The following SNUPN variants were observed in gnomAD, a reference collection of about 807,000 sequenced individuals.
The protein encoded by SNUPN is snurportin 1.
A neutral mutation model predicts 39.2 loss-of-function variants in SNUPN; 31 were observed. The ratio of observed to expected loss-of-function variants is 0.79; its 90% CI spans 0.59 to 1.07. SNUPN has a LOEUF of 1.07. Ranked by LOEUF, SNUPN falls within the 50% of genes least tolerant of loss-of-function variation. The pLI is 0.00. For synonymous variants in SNUPN, 132 were observed against 159.0 expected (o/e 0.83, Z 1.28); for missense variants, 382 against 434.2 (o/e 0.88, Z 1.07).
In SNUPN at chr15:75,621,055, C is replaced by G. The variant is rs1206212980; in HGVS notation, c.-4G>C. On this transcript the variant is annotated splice_region_variant and 5_prime_UTR_variant, in exon 2 of 9. Transcript: ENST00000308588. ...GGGCCTGACTCAACTCTTCCATCTTCCCTACAAAGGAAAACGTAAGAAAAT... is the reference window on the plus strand; with the variant it reads ...GGGCCTGACTCAACTCTTCCATCTTGCCTACAAAGGAAAACGTAAGAAAAT... 1.2e-6 allele frequency: 2 copies of G among 1,613,664 alleles called. No individual in the cohort carries two copies. Among genetic ancestry groups the G allele is most frequent in the Non-Finnish European group, 1.7e-6 (2 of 1,179,930 alleles).
chr15:75,622,613 CCCTTTGGTTCT>C, intron 1 of SNUPN: 2 of 496,120 alleles, frequency 4.0e-6, no homozygotes, highest in Non-Finnish European at 5.2e-6. Context: ...GCTGGCCCAG[CCCTTTGGTTCT>C]AGTGTAAACC....
chr15:75,621,470 T>C (rs993620680), intron 1 of SNUPN, among the ~76,000 whole-genome samples: 2 of 152,030 alleles, frequency 1.3e-5, no homozygotes, highest in African/African-American at 4.8e-5. Flanking sequence ...CTATGTTGCC[T>C]AGGCTAGTCT....
chr15:75,608,685 G>A (rs1380955458), intron 5 of SNUPN, among the ~76,000 whole-genome samples: 1 of 152,150 alleles, frequency 6.6e-6, no homozygotes, highest in Non-Finnish European at 1.5e-5. Flanking sequence ...TGTATCTGTT[G>A]TCCCGTAATA....
chr15:75,609,831 A>C, intron 4 of SNUPN, 59 bp downstream of exon 4: 1 of 1,392,918 alleles, frequency 7.2e-7, no homozygotes, highest in South Asian at 1.2e-5. Flanking sequence ...AATGGAGCAC[A>C]AAGAATCCCT....
intron 1 of SNUPN, among the ~76,000 whole-genome samples, 155 bp from the exon 2 acceptor site, chr15:75,621,211 G>A (rs1438018034): frequency 6.6e-6 from 1 of 151,900 alleles, no homozygotes; most frequent in Non-Finnish European, 1.5e-5. Flanking sequence ...GGAAGTTAAA[G>A]GGTAAATGAG....
At chr15:75,618,418 T>C (rs1299174420) in intron 2 of SNUPN, among the ~76,000 whole-genome samples, 1 of 152,072 alleles carries the variant, frequency 6.6e-6, no homozygotes, top group Non-Finnish European at 1.5e-5. Context: ...CCTGTCTAAC[T>C]TTCAAAAAAG....
At position 75,609,914 on chromosome 15, in the gene SNUPN, T is replaced by C; in HGVS notation, c.384A>G (p.Lys128=). 1 of 1,614,076 alleles carries C rather than the reference T, an allele frequency of 6.2e-7. No individual in the cohort carries two copies. The highest frequency in any genetic ancestry group is 1.1e-5 in the South Asian group (1 of 91,074). The change falls in exon 4 of 9, where the codon AAA becomes AAG. Residue 128 remains lysine (K), a synonymous_variant. Transcript: ENST00000308588. ...CCCTGGAGGCCACGATAAGGGCTCT[T>C]TTTCCAACAGGGCACACGACCACAA... The part of the protein sequence containing the change: ...EWIVVVCPVG[K]RALIVASRGS...
At chr15:75,623,317 T>G (rs971167856) in intron 1 of SNUPN, among the ~76,000 whole-genome samples, 1 of 94,186 alleles carries the variant, frequency 1.1e-5, no homozygotes, top group Non-Finnish European at 2.0e-5. Context: ...GCTAATTTTG[T>G]TTTTGTATTT....
chr15:75,621,128 T>C, intron 1 of SNUPN, 72 bp from the exon 2 acceptor site: 1 of 1,411,872 alleles, frequency 7.1e-7, no homozygotes, highest in Non-Finnish European at 9.8e-7. Context: ...GTTATGCAGT[T>C]ATGATATGAT....
intron 3 of SNUPN, among the ~76,000 whole-genome samples, chr15:75,610,642 T>A (rs1438794244): frequency 1.3e-5 from 2 of 152,154 alleles, no homozygotes; most frequent in African/African-American, 4.8e-5. Context: ...GCTCCTATCA[T>A]CATTACTATT....
chr15:75,615,501 A>C (rs942009680), intron 3 of SNUPN, among the ~76,000 whole-genome samples: 9 of 151,502 alleles, frequency 5.9e-5, no homozygotes, highest in Non-Finnish European at 1.3e-4. Context: ...TCTATCTATT[A>C]ATGTCCTACT....
chr15:75,615,593 C>CTTTTTT (rs1595987126), intron 3 of SNUPN, among the ~76,000 whole-genome samples: 12 of 109,428 alleles, frequency 1.1e-4, no homozygotes, highest in African/African-American at 5.1e-4. Context: ...GAAGGAATCT[C>CTTTTTT]ATTTTTTTTT....
At chr15:75,616,146 G>GTT (rs59630734) in intron 3 of SNUPN, among the ~76,000 whole-genome samples, 51 of 147,362 alleles carry the variant, frequency 3.5e-4, no homozygotes, top group East Asian at 6.0e-4. Context: ...ATTCTATTGT[G>GTT]TTTTTTTTTT....
rs1291579719 is a variant in SNUPN, at chr15:75,621,769, G to A, written c.-5-713C>T. On this transcript the variant is annotated intron_variant, in intron 1 of 8. Coordinates refer to ENST00000308588, the MANE Select transcript of SNUPN (RefSeq NM_005701.4). ...AAACCCCAAACTCGCCAGGCACGAT[G>A]GCTCATGCCTGTAATCCCAGCACTT... is the stretch of plus-strand genomic sequence containing the variant. Among the ~76,000 whole-genome samples the A allele has an allele frequency of 2.0e-5, 3 of 152,300 alleles. 1 individual carries two copies. Among genetic ancestry groups the A allele is most frequent in the South Asian group, 4.1e-4 (2 of 4,826 alleles).
chr15:75,605,126 A>C, intron 7 of SNUPN, 24 bp downstream of exon 7: 1 of 1,498,854 alleles, frequency 6.7e-7, no homozygotes, highest in Non-Finnish European at 9.3e-7. Context: ...TAAGGAACTC[A>C]GTGATCCTAA....
At chr15:75,626,256 T>G (rs1162946912), upstream of SNUPN, 2 of 152,412 alleles carry the variant, frequency 1.3e-5, no homozygotes, top group East Asian at 3.9e-4. Context: ...ACTGCCTGTT[T>G]GCTGCTTTTG....
chr15:75,610,072 C>A (rs543893733), intron 3 of SNUPN, 78 bp from the exon 4 acceptor site: 8 of 1,079,334 alleles, frequency 7.4e-6, no homozygotes, highest in South Asian at 1.3e-5. Flanking sequence ...GCATTAATAT[C>A]CTGTGTGTAT....
chr15:75,602,199 C>A (rs950484975), intron 7 of SNUPN, among the ~76,000 whole-genome samples: 3 of 152,064 alleles, frequency 2.0e-5, no homozygotes, highest in African/African-American at 7.2e-5. Flanking sequence ...CAGAGCGAGA[C>A]TCCGTCTCTA....
At chr15:75,601,500 AG>A (rs2075286384) in intron 7 of SNUPN, among the ~76,000 whole-genome samples, 1 of 152,126 alleles carries the variant, frequency 6.6e-6, no homozygotes, top group Non-Finnish European at 1.5e-5. Flanking sequence ...GCTTGAACCC[AG>A]GAAGGGGAGG....
Sources: allele counts gnomAD v4.1 joint callset (sites outside exome capture counted in the v4.1 genomes callset), GRCh38; gene constraint gnomAD v4.1.1; transcripts MANE v1.5; gene names NCBI Gene and HGNC (gene_info 2026-07-23, HGNC 2026-07-21).